LIMCH1: variants seen among roughly 807,000 people sequenced by gnomAD.
LIMCH1 encodes the protein LIM and calponin homology domains 1.
Under a neutral mutation model 176.5 loss-of-function variants are expected in LIMCH1, and 113 were observed. The observed-to-expected ratio is 0.64, with a 90% CI of 0.55 to 0.75. The LOEUF is 0.75. LIMCH1 is among the 30% of genes least tolerant of loss of function. The probability of loss-of-function intolerance (pLI) is 0.00; values close to 1 mark genes in which losing one functional copy is unlikely to be tolerated. For synonymous variants in LIMCH1, 619 were observed against 645.9 expected, an observed-to-expected ratio of 0.96 and a Z score of 0.63; for missense variants, 1,674 against 1,814.9, an observed-to-expected ratio of 0.92 and a Z score of 1.41.
At chr4:41,563,647 C>T (rs896602460) in intron 1 of LIMCH1, among the ~76,000 whole-genome samples, 3 of 152,126 alleles carry the variant, frequency 2.0e-5, no homozygotes, top group African/African-American at 7.2e-5. Flanking sequence ...AGCAACTGTG[C>T]TTTGGAGAAC....
intron 2 of LIMCH1, among the ~76,000 whole-genome samples, chr4:41,506,646 T>C (rs1169734713): frequency 1.3e-5 from 2 of 152,214 alleles, no homozygotes; most frequent in Non-Finnish European, 2.9e-5. Flanking sequence ...AGGATACTGT[T>C]ATGACTTGGG....
At chr4:41,416,042 A>G (rs915743273) in intron 1 of LIMCH1, among the ~76,000 whole-genome samples, 2 of 151,912 alleles carry the variant, frequency 1.3e-5, no homozygotes, top group African/African-American at 4.8e-5. Context: ...TATTTTATGT[A>G]TAGTACTCAG....
At chr4:41,529,109 GT>G (rs11308780) in intron 3 of LIMCH1, among the ~76,000 whole-genome samples, 42,724 of 151,514 alleles carry the variant, frequency 0.28, 6,815 homozygotes, top group South Asian at 0.43. Context: ...CATACCAAAG[GT>G]TTTTTTTTAA....
At chr4:41,422,828 G>A (rs1169811970) in intron 1 of LIMCH1, among the ~76,000 whole-genome samples, 1 of 152,084 alleles carries the variant, frequency 6.6e-6, no homozygotes, top group African/African-American at 2.4e-5. Flanking sequence ...CACAATCATG[G>A]CTCACTGCCG....
At chr4:41,648,007 T>C (rs1476877067) in intron 17 of LIMCH1, among the ~76,000 whole-genome samples, 1 of 152,148 alleles carries the variant, frequency 6.6e-6, no homozygotes, top group Non-Finnish European at 1.5e-5. Context: ...AATAAATAAG[T>C]GAATTTTTCC....
intron 1 of LIMCH1, among the ~76,000 whole-genome samples, chr4:41,565,384 TACAC>T (rs897890089): frequency 5.0e-5 from 5 of 100,320 alleles, no homozygotes; most frequent in South Asian, 3.4e-4. Flanking sequence ...CACACACACA[TACAC>T]ACACACACAG....
At chr4:41,424,974 C>G (rs1340190998) in intron 1 of LIMCH1, among the ~76,000 whole-genome samples, 3 of 152,154 alleles carry the variant, frequency 2.0e-5, no homozygotes, top group South Asian at 2.1e-4. Flanking sequence ...TTAGCCTTGT[C>G]TCTCAATTGT....
chr4:41,644,436 G>A, intron 14 of LIMCH1, 64 bp from the exon 15 acceptor site: 1 of 1,420,936 alleles, frequency 7.0e-7, no homozygotes, highest in Non-Finnish European at 9.2e-7. Context: ...AGGACGCCCA[G>A]GCGCGCGGAG....
At position 41,399,747 on chromosome 4, in the gene LIMCH1, T is replaced by A. The variant is rs1192883537; in HGVS notation, c.96+38811T>A. On this transcript the variant is annotated intron_variant, in intron 1 of 26. Coordinates refer to the LIMCH1 transcript ENST00000313860. ...GCCAGGCTGGAGCGCAGTAGCGGGA[T>A]CTCGGTGTACCTCAACCTCTGCCTC... Among the ~76,000 whole-genome samples the A allele has an allele frequency of 2.9e-5, 4 of 137,582 alleles. No individual in the cohort carries two copies. In the East Asian group the frequency reaches 9.2e-4, roughly 32 times the overall value. The allele number at this position is 137,582 out of a possible 152,430, so 90.3% of individuals were successfully genotyped here.
intron 1 of LIMCH1, among the ~76,000 whole-genome samples, chr4:41,583,514 A>G (rs1411841380): frequency 6.6e-6 from 1 of 152,266 alleles, no homozygotes; most frequent in African/African-American, 2.4e-5. Flanking sequence ...GTTGGAAAGA[A>G]GAAGCCAGTA....
At chr4:41,396,897 CA>C (rs200239406) in intron 1 of LIMCH1, among the ~76,000 whole-genome samples, 45 of 142,520 alleles carry the variant, frequency 3.2e-4, no homozygotes, top group East Asian at 1.0e-3. Flanking sequence ...AAGACTGTCT[CA>C]AAAAAAAAAA....
chr4:41,508,066 G>A (rs1368994447), intron 2 of LIMCH1, among the ~76,000 whole-genome samples: 1 of 152,174 alleles, frequency 6.6e-6, no homozygotes, highest in African/African-American at 2.4e-5. Flanking sequence ...AAAACTCTAC[G>A]ACTGGAACAA....
rs374022264 is a variant in LIMCH1, at chr4:41,619,188, G to A, written c.206G>A (p.Gly69Glu). Reference protein sequence around the residue: ...PDVVLRGSSDGRGSDSESDLP... With the variant: ...PDVVLRGSSDERGSDSESDLP... The stretch of plus-strand genomic sequence containing the variant: ...TCAGTACCCATCCTCTCTTCCCTAG[G>A]GAGAGGAAGCGACTCTGAATCCGAC... The change falls in exon 6 of 32, where the codon GGG becomes GAG. Residue 69 changes from glycine (G) to glutamate (E), a missense_variant and splice_region_variant. Gly to Glu is a moderately conservative substitution (Grantham distance 98, BLOSUM62 -2). Transcript: ENST00000503057. 29 of 1,613,934 alleles carry A rather than the reference G, an allele frequency of 1.8e-5. No homozygotes were observed. The highest frequency in any genetic ancestry group is 2.1e-5 in the Non-Finnish European group (25 of 1,180,012).
chr4:41,567,263 T>G (rs1368130044), intron 1 of LIMCH1, among the ~76,000 whole-genome samples: 2 of 152,208 alleles, frequency 1.3e-5, no homozygotes, highest in African/African-American at 4.8e-5. Context: ...TATATTATGC[T>G]GTACATGGGA....
In LIMCH1 at chr4:41,427,933, C is replaced by T. The variant is rs531843736; in HGVS notation, c.97-66603C>T. Reference sequence around the variant, plus strand: ...CACCTTGTTTACCTACAAAATGGTGCATCTATTTGGAAAAAAAAAAAAAAA... The same window carrying T: ...CACCTTGTTTACCTACAAAATGGTGTATCTATTTGGAAAAAAAAAAAAAAA... On this transcript the variant is annotated intron_variant, in intron 1 of 26. Transcript: ENST00000313860. Among the ~76,000 whole-genome samples the T allele has an allele frequency of 4.2e-5, 6 of 141,342 alleles. No homozygotes were observed. The South Asian group carries it at 1.4e-3, about 33-fold the overall frequency. The allele number at this position is 141,342 out of a possible 152,430, so 92.7% of individuals were successfully genotyped here.
At chr4:41,662,774 T>C (rs2094671527) in intron 19 of LIMCH1, 47 bp from the exon 20 acceptor site, 1 of 1,603,610 alleles carries the variant, frequency 6.2e-7, no homozygotes, top group Admixed American at 1.7e-5. Flanking sequence ...TATAGATATT[T>C]GATTTTCTTT....
At chr4:41,648,316 A>G (rs1220312738) in intron 17 of LIMCH1, among the ~76,000 whole-genome samples, 3 of 152,244 alleles carry the variant, frequency 2.0e-5, no homozygotes, top group Non-Finnish European at 4.4e-5. Context: ...AAGGATTAGC[A>G]TAAATGATTT....
chr4:41,476,560 T>A (rs1373253675), intron 1 of LIMCH1, among the ~76,000 whole-genome samples: 1 of 152,240 alleles, frequency 6.6e-6, no homozygotes, highest in Non-Finnish European at 1.5e-5. Context: ...GGTTACCACC[T>A]GCTGTCTGTA....
chr4:41,534,901 C>T (rs957323777), upstream of LIMCH1, among the ~76,000 whole-genome samples: 1 of 151,970 alleles, frequency 6.6e-6, no homozygotes, highest in Non-Finnish European at 1.5e-5. Flanking sequence ...GTGGCTCATG[C>T]CTATAATCCC....
Sources: allele counts gnomAD v4.1 joint callset (sites outside exome capture counted in the v4.1 genomes callset), GRCh38; gene constraint gnomAD v4.1.1; transcripts MANE v1.5; gene names NCBI Gene and HGNC (gene_info 2026-07-23, HGNC 2026-07-21).